CHLSN: variants seen among roughly 807,000 people sequenced by gnomAD.
CHLSN encodes the protein protein cholesin.
chr7:996,556 C>A, the CHLSN span, among the ~76,000 whole-genome samples: 1 of 152,228 alleles, frequency 6.6e-6, no homozygotes, highest in Non-Finnish European at 1.5e-5. Context: ...AGACCGGAGC[C>A]ACTGGCCTCA....
At chr7:1,006,148 C>T in the CHLSN span, among the ~76,000 whole-genome samples, 1 of 152,270 alleles carries the variant, frequency 6.6e-6, no homozygotes, top group Non-Finnish European at 1.5e-5. Flanking sequence ...AACCCAGAGA[C>T]CCACAGAAAG....
At chr7:1,098,535 G>A in the CHLSN span, among the ~76,000 whole-genome samples, 2 of 152,216 alleles carry the variant, frequency 1.3e-5, no homozygotes, top group African/African-American at 2.4e-5. Flanking sequence ...AGATAAAGCA[G>A]ACACGAGTGG....
the CHLSN span, among the ~76,000 whole-genome samples, chr7:1,083,916 C>T: frequency 4.3e-4 from 65 of 152,346 alleles, 1 homozygote; most frequent in Admixed American, 1.9e-3. Context: ...TCCAACCTGG[C>T]GCGGAGCCAC....
the CHLSN span, among the ~76,000 whole-genome samples, chr7:978,737 G>A: frequency 0.016 from 2,501 of 152,348 alleles, 52 homozygotes; most frequent in African/African-American, 0.056. Context: ...CACAGCCCTT[G>A]CTGAAGCTTA....
the CHLSN span, among the ~76,000 whole-genome samples, chr7:994,412 GC>G: frequency 7.3e-5 from 11 of 151,038 alleles, no homozygotes; most frequent in South Asian, 1.1e-3. Flanking sequence ...GCCCACCTTG[GC>G]CCCCCCCAAA....
chr7:1,133,764 A>C, the CHLSN span, among the ~76,000 whole-genome samples: 1 of 151,658 alleles, frequency 6.6e-6, no homozygotes, highest in Non-Finnish European at 1.5e-5. Flanking sequence ...AAAAAAAAAA[A>C]AACACCCAGG....
chr7:1,055,829 C>T, the CHLSN span, among the ~76,000 whole-genome samples: 3 of 152,132 alleles, frequency 2.0e-5, no homozygotes, highest in African/African-American at 4.8e-5. Flanking sequence ...GGGCCCTGGG[C>T]GCCCCGTGAG....
chr7:1,039,345 G>A, the CHLSN span, among the ~76,000 whole-genome samples: 41 of 38,712 alleles, frequency 1.1e-3, no homozygotes, highest in African/African-American at 4.0e-3. Context: ...CCGGCCAGCC[G>A]CCCCGTCCGG....
chr7:1,102,362 CAAG>C, the CHLSN span, among the ~76,000 whole-genome samples: 15 of 152,160 alleles, frequency 9.9e-5, no homozygotes, highest in African/African-American at 2.9e-4. Flanking sequence ...GTGTATCTTA[CAAG>C]AAGAAGAGGA....
the CHLSN span, among the ~76,000 whole-genome samples, chr7:1,019,917 G>A: frequency 2.8e-4 from 43 of 152,370 alleles, 2 homozygotes; most frequent in African/African-American, 9.1e-4. Flanking sequence ...GCGGCCCGGA[G>A]GCCAAGCTAC....
chr7:1,035,945 C>G, the CHLSN span, among the ~76,000 whole-genome samples: 1 of 146,846 alleles, frequency 6.8e-6, no homozygotes, highest in Non-Finnish European at 1.5e-5. Context: ...ACAAGAAAGG[C>G]TCTGTCATGC....
the CHLSN span, among the ~76,000 whole-genome samples, chr7:1,002,420 G>A: frequency 7.9e-6 from 1 of 126,968 alleles, no homozygotes; most frequent in African/African-American, 3.0e-5. Flanking sequence ...CCGGTGGGGA[G>A]TCCTGTGGGT....
chr7:1,016,781 CACAGCACACA>C, the CHLSN span, among the ~76,000 whole-genome samples: 5 of 68,692 alleles, frequency 7.3e-5, 1 homozygote, highest in Admixed American at 4.7e-4. Context: ...CACAGCAGCG[CACAGCACACA>C]GCAGCACACA....
chr7:1,006,885 C>T, the CHLSN span, among the ~76,000 whole-genome samples: 1 of 152,224 alleles, frequency 6.6e-6, no homozygotes, highest in Admixed American at 6.5e-5. Flanking sequence ...CAGCTTCACA[C>T]AAAGCCAGGA....
chr7:1,038,525 G>T, the CHLSN span, among the ~76,000 whole-genome samples: 1 of 110,432 alleles, frequency 9.1e-6, no homozygotes, highest in South Asian at 3.1e-4. Context: ...GTCCGGGAGG[G>T]AGGTGGGGGG....
At chr7:1,082,789 C>T in the CHLSN span, among the ~76,000 whole-genome samples, 53 of 152,226 alleles carry the variant, frequency 3.5e-4, no homozygotes, top group African/African-American at 1.3e-3. Context: ...GTTCCATGTT[C>T]CCACCAAGGG....
At chr7:1,036,971 C>G in the CHLSN span, among the ~76,000 whole-genome samples, 1 of 147,226 alleles carries the variant, frequency 6.8e-6, no homozygotes, top group Non-Finnish European at 1.5e-5. Flanking sequence ...ATTAGCCAGG[C>G]GTGGTGGCAT....
At chr7:983,978 C>T in the CHLSN span, among the ~76,000 whole-genome samples, 1 of 152,128 alleles carries the variant, frequency 6.6e-6, no homozygotes, top group Non-Finnish European at 1.5e-5. Context: ...CCTCCGGCTG[C>T]CCCCAACTGC....
chr7:1,097,566 A>G, the CHLSN span, among the ~76,000 whole-genome samples: 3 of 152,356 alleles, frequency 2.0e-5, no homozygotes, highest in South Asian at 6.2e-4. This position sits in a 1 kb window ranked among gnomAD's most constrained non-coding sequence, Gnocchi z 4.3. Context: ...TAGTTGGAAA[A>G]GCATCACTCT....
Sources: gnomAD v4.1 joint callset for allele counts (sites outside exome capture counted in the v4.1 genomes callset) on GRCh38, gnomAD v4.1.1 for gene constraint, Gnocchi (gnomAD v3.1) non-coding constraint, MANE v1.5 for transcripts, NCBI Gene and HGNC (gene_info 2026-07-23, HGNC 2026-07-21) for gene names.